The following ERAP1 variants were observed in gnomAD, a reference collection of about 807,000 sequenced individuals.
ERAP1 encodes the protein endoplasmic reticulum aminopeptidase 1.
In ERAP1, 86 loss-of-function variants were observed where a neutral mutation model predicts 103.7. The ratio of observed to expected loss-of-function variants is 0.83; its 90% CI spans 0.70 to 0.99. ERAP1 has a LOEUF of 0.99. ERAP1 is among the 50% of genes least tolerant of loss of function. The pLI, the probability that ERAP1 is intolerant of heterozygous loss-of-function variation, is 0.00. For synonymous variants in ERAP1, 398 were observed against 402.4 expected (o/e 0.99, Z 0.13); for missense variants, 1,009 against 1,128.4 (o/e 0.89, Z 1.52).
chr5:96,851,794 A>G, the ERAP1 span, among the ~76,000 whole-genome samples: 1 of 152,340 alleles, frequency 6.6e-6, no homozygotes, highest in East Asian at 1.9e-4. Flanking sequence ...TCAAGTAAGT[A>G]TTGTATGCCG....
chr5:96,902,933 G>A, the ERAP1 span: 1 of 154,746 alleles, frequency 6.5e-6, no homozygotes. Context: ...AAATTTGAGA[G>A]GTTTTCCGTC....
the ERAP1 span, among the ~76,000 whole-genome samples, chr5:96,929,676 C>G: frequency 6.6e-6 from 1 of 152,076 alleles, no homozygotes; most frequent in South Asian, 2.1e-4. Context: ...CTCAGGATCT[C>G]CTGGTCCTCT....
the ERAP1 span, among the ~76,000 whole-genome samples, chr5:96,843,320 A>C: frequency 6.6e-6 from 1 of 152,176 alleles, no homozygotes; most frequent in African/African-American, 2.4e-5. Context: ...AAAGCAACCA[A>C]TCAGAGGCTT....
chr5:96,831,152 T>A, the ERAP1 span, among the ~76,000 whole-genome samples: 9 of 152,126 alleles, frequency 5.9e-5, no homozygotes, highest in Admixed American at 1.3e-4. Flanking sequence ...CTTACAATCA[T>A]GGTGGAAGGT....
chr5:96,822,372 G>A, the ERAP1 span, among the ~76,000 whole-genome samples: 2 of 152,160 alleles, frequency 1.3e-5, no homozygotes, highest in Non-Finnish European at 2.9e-5. Flanking sequence ...TTAAGAAGAA[G>A]GGCAACTTCT....
At chr5:96,771,664 G>C (rs1280411562), downstream of ERAP1, 15 of 1,611,812 alleles carry the variant, frequency 9.3e-6, no homozygotes, top group Non-Finnish European at 1.3e-5. Flanking sequence ...AAACTTCCAA[G>C]CCAAAAGATG....
chr5:96,776,528 C>CAAAG lies in ERAP1; in HGVS notation c.2690_2693dup (p.Leu898PhefsTer17). The CAAAG allele has an allele frequency of 6.2e-7, 1 of 1,614,038 alleles. No individual in the cohort carries two copies. Among genetic ancestry groups the CAAAG allele is most frequent in the Non-Finnish European group, 8.5e-7 (1 of 1,180,014 alleles). On this transcript the variant is annotated frameshift_variant, in exon 19 of 19. Transcript: ENST00000443439. LOFTEE classifies it high-confidence loss of function. Reference sequence around the variant, plus strand: ...AACGGAGCTGAGAACCATTTTCTTTCAAAGAGCTGAAGAATCCTTTTACCT... The same window carrying CAAAG: ...AACGGAGCTGAGAACCATTTTCTTTCAAAGAAAGAGCTGAAGAATCCTTTTACCT...
chr5:96,786,825 C>T (rs17086713), intron 11 of ERAP1: 5,895 of 392,756 alleles, frequency 0.015, 123 homozygotes, highest in Admixed American at 0.072. Flanking sequence ...CTGATTGCAT[C>T]TCAGAGGCCT....
chr5:96,896,526 T>TG, the ERAP1 span: 1 of 1,591,846 alleles, frequency 6.3e-7, no homozygotes, highest in Non-Finnish European at 8.5e-7. Flanking sequence ...CAGGTGCAGG[T>TG]GGAAGCTCTG....
chr5:96,877,903 G>T, the ERAP1 span, among the ~76,000 whole-genome samples: 23,366 of 152,128 alleles, frequency 0.15, 2,276 homozygotes, highest in Middle Eastern at 0.31. Context: ...CCTGTCACCT[G>T]CATTAATATT....
chr5:96,909,668 C>T, the ERAP1 span: 12 of 1,614,192 alleles, frequency 7.4e-6, no homozygotes, highest in Non-Finnish European at 1.0e-5. Context: ...CTCCGCTCGG[C>T]TCTCTTGAAG....
chr5:96,771,549 G>A (rs1287546125), downstream of ERAP1: 2 of 829,908 alleles, frequency 2.4e-6, no homozygotes, highest in South Asian at 3.5e-5. Flanking sequence ...TTTCCCCACT[G>A]ACTGCCATCT....
At chr5:96,880,503 A>G in the ERAP1 span, among the ~76,000 whole-genome samples, 1 of 152,224 alleles carries the variant, frequency 6.6e-6, no homozygotes, top group East Asian at 1.9e-4. Context: ...TATGACTGAT[A>G]TGATAGATAT....
At chr5:96,907,399 G>C in the ERAP1 span, among the ~76,000 whole-genome samples, 1 of 152,162 alleles carries the variant, frequency 6.6e-6, no homozygotes, top group Non-Finnish European at 1.5e-5. Flanking sequence ...AAATCAATTA[G>C]GCTGGGCTGG....
chr5:96,793,382 G>A lies in ERAP1; in HGVS notation c.1188+18C>T. 6.5e-7 allele frequency: 1 copy of A among 1,539,234 alleles called. No homozygotes were observed. The highest frequency in any genetic ancestry group is 1.1e-5 in the South Asian group (1 of 89,498). ...ACAACAAATTAACCTCAAATGTGAA[G>A]GATAAATAACTACTTACAACTTTCA... On this transcript the variant is annotated intron_variant, in intron 7 of 18. Transcript: ENST00000443439.
At chr5:96,787,153 G>A (rs778264513) in intron 11 of ERAP1, among the ~76,000 whole-genome samples, 2 of 152,114 alleles carry the variant, frequency 1.3e-5, no homozygotes, top group Non-Finnish European at 2.9e-5. Flanking sequence ...GATATTTTTA[G>A]GACAATTGGA....
the ERAP1 span, among the ~76,000 whole-genome samples, chr5:96,887,303 C>CTTTTT: frequency 7.3e-6 from 1 of 137,542 alleles, no homozygotes. Flanking sequence ...TTGTTTCCGA[C>CTTTTT]TTTTTTTTTT....
At chr5:96,893,683 C>T in the ERAP1 span, among the ~76,000 whole-genome samples, 1 of 152,192 alleles carries the variant, frequency 6.6e-6, no homozygotes, top group Non-Finnish European at 1.5e-5. Flanking sequence ...AAGCAGCAAA[C>T]AGCACTGGAA....
chr5:96,935,481 C>T, the ERAP1 span: 1 of 152,810 alleles, frequency 6.5e-6, no homozygotes, highest in Admixed American at 6.5e-5. Flanking sequence ...CCAACCTCCC[C>T]AGGGAAACCA....
Sources: allele counts gnomAD v4.1 joint callset (sites outside exome capture counted in the v4.1 genomes callset), GRCh38; gene constraint gnomAD v4.1.1; transcripts MANE v1.5; gene names NCBI Gene and HGNC (gene_info 2026-07-23, HGNC 2026-07-21).